Variants in MACROD1 observed in about 807,000 individuals in gnomAD.
The protein encoded by MACROD1 is mono-ADP ribosylhydrolase 1, also known as ADP-ribose glycohydrolase MACROD1.
Under a neutral mutation model 41.4 loss-of-function variants are expected in MACROD1, and 31 were observed. The ratio of observed to expected loss-of-function variants is 0.75; its 90% CI spans 0.56 to 1.01. The LOEUF is 1.01. MACROD1 is among the 50% of genes least tolerant of loss of function. The pLI, the probability that MACROD1 is intolerant of heterozygous loss-of-function variation, is 0.00. For missense variants in MACROD1, 473 were observed against 460.0 expected (o/e 1.03, Z -0.26); for synonymous variants, 252 against 203.4 (o/e 1.24, Z -2.03).
chr11:64,050,686 A>G (rs1392563831), intron 3 of MACROD1, among the ~76,000 whole-genome samples: 1 of 152,152 alleles, frequency 6.6e-6, no homozygotes, highest in African/African-American at 2.4e-5. Context: ...TGGCGCGATC[A>G]TGGCTCACTG....
chr11:64,104,668 GA>G (rs1944727311), intron 3 of MACROD1, among the ~76,000 whole-genome samples: 1 of 152,186 alleles, frequency 6.6e-6, no homozygotes, highest in Non-Finnish European at 1.5e-5. Context: ...CTGGCCAGGG[GA>G]CCCAGGGTGG....
intron 3 of MACROD1, among the ~76,000 whole-genome samples, chr11:64,102,770 GA>G (rs964598152): frequency 6.6e-6 from 1 of 151,784 alleles, no homozygotes; most frequent in Non-Finnish European, 1.5e-5. Flanking sequence ...GTGGCATTAA[GA>G]AAAAAAACAG....
In MACROD1 at chr11:64,040,904, G is replaced by A. The variant is rs148126810; in HGVS notation, c.518-25623C>T. 1.3e-3 allele frequency among the ~76,000 whole-genome samples: 201 copies of A among 152,182 alleles called. 1 individual carries two copies. In the Middle Eastern group the frequency reaches 0.027, roughly 21 times the overall value. On this transcript the variant is annotated intron_variant, in intron 3 of 10. Transcript: ENST00000255681. ...AGACCGCAGGACCCAGGCATCCGAC[G>A]TCCGGCCAGGCCCCAGGTGTGGCAG...
chr11:64,010,363 G>T (rs1942987811), intron 4 of MACROD1, among the ~76,000 whole-genome samples: 1 of 148,438 alleles, frequency 6.7e-6, no homozygotes, highest in Non-Finnish European at 1.5e-5. Context: ...GTTGGTTGGA[G>T]TGTTGGCTGG....
chr11:64,152,043 C>T (rs1382235003), intron 2 of MACROD1, among the ~76,000 whole-genome samples: 1 of 152,108 alleles, frequency 6.6e-6, no homozygotes, highest in Non-Finnish European at 1.5e-5. Context: ...GCAGGAGAAT[C>T]GCTTGAACCC....
At chr11:64,129,757 A>G (rs1484209267) in intron 3 of MACROD1, among the ~76,000 whole-genome samples, 1 of 152,180 alleles carries the variant, frequency 6.6e-6, no homozygotes, top group African/African-American at 2.4e-5. Context: ...GGCTGGCTGC[A>G]GCCTTAGGCT....
At chr11:64,078,159 T>C (rs1291930826) in intron 3 of MACROD1, among the ~76,000 whole-genome samples, 1 of 152,158 alleles carries the variant, frequency 6.6e-6, no homozygotes, top group African/African-American at 2.4e-5. Flanking sequence ...TCAACCCTCC[T>C]TGTGCCCAGC....
chr11:64,030,637 T>G (rs1943282038), intron 3 of MACROD1, among the ~76,000 whole-genome samples: 1 of 152,178 alleles, frequency 6.6e-6, no homozygotes, highest in South Asian at 2.1e-4. Flanking sequence ...CTTAGAGATG[T>G]GGACATGTTG....
intron 3 of MACROD1, among the ~76,000 whole-genome samples, chr11:64,133,935 G>A (rs1400171324): frequency 1.3e-5 from 2 of 152,228 alleles, no homozygotes; most frequent in Non-Finnish European, 2.9e-5. Context: ...CCTGGAGGAC[G>A]GTCGGAGTCA....
intron 3 of MACROD1, among the ~76,000 whole-genome samples, chr11:64,018,651 C>T (rs746191774): frequency 9.2e-5 from 14 of 152,178 alleles, no homozygotes; most frequent in Non-Finnish European, 1.8e-4. Context: ...TCCTGGCCAC[C>T]GGCTTGAGCC....
intron 3 of MACROD1, among the ~76,000 whole-genome samples, chr11:64,026,309 G>A (rs1408406106): frequency 6.6e-6 from 1 of 152,156 alleles, no homozygotes; most frequent in South Asian, 2.1e-4. Flanking sequence ...ACAGGTGTGA[G>A]CCACTGCGCT....
At chr11:64,069,239 TCCGCAGTTCTACCTGACA>T (rs1177400702) in intron 3 of MACROD1, among the ~76,000 whole-genome samples, 16 of 152,080 alleles carry the variant, frequency 1.1e-4, no homozygotes, top group Admixed American at 1.0e-3. Context: ...TTCACCTGGA[TCCGCAGTTCTACCTGACA>T]CCGGAGACAG....
chr11:64,072,663 G>A (rs550274793), intron 3 of MACROD1, among the ~76,000 whole-genome samples: 1 of 152,134 alleles, frequency 6.6e-6, no homozygotes, highest in Non-Finnish European at 1.5e-5. Flanking sequence ...TGGTTATAGG[G>A]CTGTTCTCCC....
chr11:64,046,219 C>T (rs1943581547), intron 3 of MACROD1, among the ~76,000 whole-genome samples: 1 of 152,178 alleles, frequency 6.6e-6, no homozygotes, highest in Admixed American at 6.5e-5. Flanking sequence ...CCCACTGGGT[C>T]CCCAGTCCCT....
At chr11:64,038,593 G>A (rs993416001) in intron 3 of MACROD1, among the ~76,000 whole-genome samples, 1 of 152,182 alleles carries the variant, frequency 6.6e-6, no homozygotes, top group Non-Finnish European at 1.5e-5. Context: ...GCTGGGCACA[G>A]CCACCTCTGC....
intron 3 of MACROD1, among the ~76,000 whole-genome samples, chr11:64,115,181 C>A (rs1387215567): frequency 6.6e-6 from 1 of 152,196 alleles, no homozygotes; most frequent in Non-Finnish European, 1.5e-5. Flanking sequence ...ACACCTTCCT[C>A]ACTGAGACTG....
At position 64,165,987 on chromosome 11, in the gene MACROD1, A is replaced by G; in HGVS notation, c.8T>C (p.Leu3Pro). 1 of 1,272,534 alleles carries G rather than the reference A, an allele frequency of 7.9e-7. No homozygotes were observed. The highest frequency in any genetic ancestry group is 9.9e-7 in the Non-Finnish European group (1 of 1,013,692). The allele number at this position is 1,272,534 out of a possible 1,614,324, so 78.8% of individuals were successfully genotyped here. A position where few individuals can be genotyped will look rare whatever the true frequency, so the allele number is the denominator to read the frequency against. MS[L>P]QSRLSGRLAQ... ...CAGGCGGCCGGACAGTCGGCTCTGT[A>G]GAGACATGAGCGGGCGGCGCGGGAC... The change falls in exon 1 of 11, where the codon CTA becomes CCA. Residue 3 changes from leucine to proline, a missense_variant. Physicochemically the swap from Leu to Pro is moderately conservative, Grantham distance 98. Transcript: ENST00000255681.
At chr11:64,159,178 G>A (rs1410489071) in intron 1 of MACROD1, among the ~76,000 whole-genome samples, 1 of 152,022 alleles carries the variant, frequency 6.6e-6, no homozygotes, top group Admixed American at 6.6e-5. Flanking sequence ...AAATTAGCCG[G>A]TGTGGTGGCA....
At chr11:64,133,741 G>A (rs1945296554) in intron 3 of MACROD1, among the ~76,000 whole-genome samples, 1 of 152,132 alleles carries the variant, frequency 6.6e-6, no homozygotes, top group African/African-American at 2.4e-5. Context: ...CGGTCATGAC[G>A]GGTGACTTGT....
Sources: allele counts gnomAD v4.1 joint callset (sites outside exome capture counted in the v4.1 genomes callset), GRCh38; gene constraint gnomAD v4.1.1; transcripts MANE v1.5; gene names NCBI Gene and HGNC (gene_info 2026-07-23, HGNC 2026-07-21).